The following TRMT61B variants were observed in gnomAD, a reference collection of about 807,000 sequenced individuals.
The protein encoded by TRMT61B is tRNA methyltransferase 61B.
Under a neutral mutation model 52.0 loss-of-function variants are expected in TRMT61B, and 56 were observed. The observed-to-expected ratio is 1.08, with a 90% confidence interval of 0.87 to 1.35. The LOEUF is 1.35. TRMT61B is among the 40% of genes most tolerant of loss of function. The pLI is 0.00. For synonymous variants in TRMT61B, 206 were observed against 220.0 expected (o/e 0.94, Z 0.56); for missense variants, 650 against 577.9 (o/e 1.12, Z -1.28).
intron 1 of TRMT61B, among the ~76,000 whole-genome samples, chr2:28,869,126 A>AAGC (rs1214882096): frequency 6.6e-6 from 1 of 152,250 alleles, no homozygotes; most frequent in Admixed American, 6.5e-5. Context: ...AAAAGGGGAA[A>AAGC]AGCACCGTAA....
chr2:28,870,128 T>A lies in TRMT61B; in HGVS notation c.150A>T (p.Gly50=), dbSNP rs772776256. 4 of 1,613,938 alleles carry A rather than the reference T, an allele frequency of 2.5e-6. No individual in the cohort carries two copies. Among genetic ancestry groups the A allele is most frequent in the Non-Finnish European group, 3.4e-6 (4 of 1,180,020 alleles). The change falls in exon 1 of 7, where the codon GGA becomes GGT. Residue 50 remains glycine, a synonymous_variant. Transcript: ENST00000306108. ...TTTGTGCCGCCTCGTGCTCTCTTTC[T>A]CCATCTCGCAGGTCTCTAGGCGAGG... The part of the protein sequence containing the change: ...CRSSPRDLRD[G]EREHEAAQRK...
intron 4 of TRMT61B, 54 bp from the exon 5 acceptor site, chr2:28,851,352 A>G: frequency 8.0e-7 from 1 of 1,255,364 alleles, no homozygotes; most frequent in Non-Finnish European, 1.1e-6. Context: ...CATTATATTT[A>G]TTTAAGTTCC....
rs760398393 is a variant in TRMT61B at position 28,870,002 on chromosome 2, C to G, written c.276G>C (p.Thr92=). 1.2e-6 allele frequency: 2 copies of G among 1,613,714 alleles called. No individual in the cohort carries two copies. Among genetic ancestry groups the G allele is most frequent in the Non-Finnish European group, 1.7e-6 (2 of 1,180,032 alleles). ...LSSLENLRLP[T]LREESSPREL... ...CTCGAGGGGATGACTCTTCCCGCAGCGTCGGCAGTCTGAGGTTTTCCAGTG... is the reference window on the plus strand; with the variant it reads ...CTCGAGGGGATGACTCTTCCCGCAGGGTCGGCAGTCTGAGGTTTTCCAGTG... Residue 92 remains threonine (T), a synonymous_variant, in exon 1 of 7, where the codon ACG becomes ACC. Coordinates refer to ENST00000306108, the MANE Select transcript of TRMT61B (RefSeq NM_017910.4).
rs373564488 is a variant in TRMT61B, at chr2:28,861,103, C to A, written c.993+15G>T. The A allele has an allele frequency of 6.3e-7, 1 of 1,581,454 alleles. No homozygotes were observed. The highest frequency in any genetic ancestry group is 8.6e-7 in the Non-Finnish European group (1 of 1,166,112). On this transcript the variant is annotated intron_variant, in intron 3 of 6. Coordinates refer to ENST00000306108, the MANE Select transcript of TRMT61B (RefSeq NM_017910.4). ...AGTCAAAGTAATAACACAGGACCCA[C>A]GTTAGAAAACTTACTGCGTCAAATG...
chr2:28,866,696 C>T (rs566818971), intron 1 of TRMT61B, among the ~76,000 whole-genome samples: 93 of 152,250 alleles, frequency 6.1e-4, no homozygotes, highest in African/African-American at 2.2e-3. Context: ...AGAGACTATG[C>T]TATTACTAGA....
intron 1 of TRMT61B, among the ~76,000 whole-genome samples, chr2:28,865,703 G>C (rs1306678098): frequency 9.0e-6 from 1 of 111,138 alleles, no homozygotes; most frequent in Non-Finnish European, 1.7e-5. Flanking sequence ...TTTGGGAGAC[G>C]AAGTCTCACT....
intron 4 of TRMT61B, 43 bp from the exon 5 acceptor site, chr2:28,851,341 A>T: frequency 7.5e-7 from 1 of 1,334,894 alleles, no homozygotes; most frequent in Non-Finnish European, 1.0e-6. Flanking sequence ...TAAAATAATA[A>T]CATTATATTT....
chr2:28,856,076 T>C (rs759550608), intron 3 of TRMT61B, among the ~76,000 whole-genome samples: 1 of 152,240 alleles, frequency 6.6e-6, no homozygotes, highest in Non-Finnish European at 1.5e-5. Flanking sequence ...TACTATATTA[T>C]TGACAAGGAC....
intron 2 of TRMT61B, among the ~76,000 whole-genome samples, chr2:28,863,836 C>A (rs1270664028): frequency 9.9e-5 from 15 of 152,094 alleles, no homozygotes; most frequent in Admixed American, 6.6e-4. Context: ...TATCTGTAAT[C>A]TTTATAAAAT....
At chr2:28,867,950 G>T (rs1669918567) in intron 1 of TRMT61B, among the ~76,000 whole-genome samples, 1 of 152,028 alleles carries the variant, frequency 6.6e-6, no homozygotes, top group African/African-American at 2.4e-5. Flanking sequence ...TACTCAGGAG[G>T]TTGAGGTGCG....
chr2:28,859,398 A>C (rs1054604773), intron 3 of TRMT61B, among the ~76,000 whole-genome samples: 2 of 152,164 alleles, frequency 1.3e-5, no homozygotes, highest in Non-Finnish European at 2.9e-5. Flanking sequence ...TATGTTTAAC[A>C]TATGCCTTTT....
chr2:28,852,874 A>G (rs1669183313), intron 3 of TRMT61B, among the ~76,000 whole-genome samples: 1 of 151,904 alleles, frequency 6.6e-6, no homozygotes, highest in African/African-American at 2.4e-5. Flanking sequence ...TGGGAGGGTC[A>G]CTGGAGCCTA....
chr2:28,866,933 C>T (rs1381927484), intron 1 of TRMT61B, among the ~76,000 whole-genome samples: 1 of 151,518 alleles, frequency 6.6e-6, no homozygotes, highest in Non-Finnish European at 1.5e-5. Flanking sequence ...GTAGCTGGGA[C>T]CACAGGCATG....
At chr2:28,853,835 CA>C (rs35660212) in intron 3 of TRMT61B, among the ~76,000 whole-genome samples, 8 of 149,534 alleles carry the variant, frequency 5.3e-5, no homozygotes, top group African/African-American at 1.2e-4. Context: ...GATTCTGTCT[CA>C]AAAAAAAAAA....
At chr2:28,867,065 C>T (rs1419119619) in intron 1 of TRMT61B, among the ~76,000 whole-genome samples, 1 of 151,998 alleles carries the variant, frequency 6.6e-6, no homozygotes, top group African/African-American at 2.4e-5. Context: ...TCACAAAGCA[C>T]TGAGATTACA....
chr2:28,852,473 A>G lies in TRMT61B; in HGVS notation c.1020T>C (p.His340=), dbSNP rs373261098. The change falls in exon 4 of 7, where the codon CAT becomes CAC. Residue 340 remains histidine (H), a synonymous_variant. Transcript: ENST00000306108. ...DAVALDMLNP[H]VTLPVFYPHL... is the part of the protein sequence containing the mutation. ...GTGGGTAAAAAACAGGCAAAGTAACATGAGGATTTAACATATCCAAAGCTA... is the reference window on the plus strand; with the variant it reads ...GTGGGTAAAAAACAGGCAAAGTAACGTGAGGATTTAACATATCCAAAGCTA... 7 of 1,612,550 alleles carry G rather than the reference A, an allele frequency of 4.3e-6. No homozygotes were observed. Among genetic ancestry groups the G allele is most frequent in the African/African-American group, 1.3e-5 (1 of 75,020 alleles).
At chr2:28,857,188 C>T (rs1437918007) in intron 3 of TRMT61B, among the ~76,000 whole-genome samples, 1 of 152,164 alleles carries the variant, frequency 6.6e-6, no homozygotes, top group African/African-American at 2.4e-5. Context: ...CCCATCTCAG[C>T]CTCCCAAAGT....
At chr2:28,860,394 C>A (rs1669553057) in intron 3 of TRMT61B, among the ~76,000 whole-genome samples, 2 of 149,284 alleles carry the variant, frequency 1.3e-5, no homozygotes, top group East Asian at 4.2e-4. Context: ...AAGAAAGACT[C>A]CTAACCAAGG....
intron 2 of TRMT61B, among the ~76,000 whole-genome samples, chr2:28,862,415 C>T (rs1000199297): frequency 6.7e-6 from 1 of 149,214 alleles, no homozygotes; most frequent in African/African-American, 2.5e-5. Context: ...TCACGGCAAC[C>T]CCCACCTCCC....
Sources: gnomAD v4.1 joint callset for allele counts (sites outside exome capture counted in the v4.1 genomes callset) on GRCh38, gnomAD v4.1.1 for gene constraint, MANE v1.5 for transcripts, NCBI Gene and HGNC (gene_info 2026-07-23, HGNC 2026-07-21) for gene names.